ARL15: variants seen among roughly 807,000 people sequenced by gnomAD.
ARL15 encodes ARF like GTPase 15, also known as ADP-ribosylation factor-like protein 15.
Under a neutral mutation model 25.2 loss-of-function variants are expected in ARL15, and 19 were observed. The ratio of observed to expected loss-of-function variants is 0.75; its 90% CI spans 0.53 to 1.10. The LOEUF is 1.10. ARL15 is among the 50% of genes least tolerant of loss of function. The probability of loss-of-function intolerance (pLI) is 0.00; values close to 1 mark genes in which losing one functional copy is unlikely to be tolerated. For synonymous variants in ARL15, 94 were observed against 86.8 expected (o/e 1.08, Z -0.46); for missense variants, 220 against 246.0 (o/e 0.89, Z 0.71).
chr5:54,130,548 A>C (rs1423259724), intron 3 of ARL15, among the ~76,000 whole-genome samples: 1 of 152,214 alleles, frequency 6.6e-6, no homozygotes, highest in Non-Finnish European at 1.5e-5. Flanking sequence ...TAATTCCCTG[A>C]AAGTGTTATC....
chr5:54,272,747 A>G (rs1439961684), intron 1 of ARL15, among the ~76,000 whole-genome samples: 1 of 152,244 alleles, frequency 6.6e-6, no homozygotes, highest in Non-Finnish European at 1.5e-5. Flanking sequence ...TATCATTATA[A>G]CATCTACAGT....
intron 4 of ARL15, among the ~76,000 whole-genome samples, chr5:54,034,574 A>G (rs1750107714): frequency 6.6e-6 from 1 of 152,222 alleles, no homozygotes; most frequent in Non-Finnish European, 1.5e-5. Flanking sequence ...GTAGGCAGGC[A>G]TAACAAATTT....
intron 2 of ARL15, among the ~76,000 whole-genome samples, chr5:54,158,797 C>T (rs147638345): frequency 0.015 from 2,302 of 152,236 alleles, 41 homozygotes; most frequent in African/African-American, 0.047. Context: ...CGCTTGAACC[C>T]GGGAGGCAGA....
intron 1 of ARL15, among the ~76,000 whole-genome samples, chr5:54,205,765 C>A (rs1469940305): frequency 2.6e-5 from 4 of 152,188 alleles, no homozygotes; most frequent in Non-Finnish European, 4.4e-5. Flanking sequence ...CCTCTAGGAA[C>A]TCCTGGTCAA....
chr5:54,271,905 CATTTATTTATTTATTTATTT>C (rs34653736), intron 1 of ARL15, among the ~76,000 whole-genome samples: 1 of 146,298 alleles, frequency 6.8e-6, no homozygotes, highest in Non-Finnish European at 1.5e-5. Context: ...CTGTGCTTAA[CATTTATTTATTTATTTATTT>C]ATTTATTTAT....
At chr5:53,909,122 AG>A (rs1423400323) in intron 4 of ARL15, among the ~76,000 whole-genome samples, 1 of 152,204 alleles carries the variant, frequency 6.6e-6, no homozygotes, top group African/African-American at 2.4e-5. Context: ...AATTATAATT[AG>A]GGGAAAATTT....
intron 4 of ARL15, among the ~76,000 whole-genome samples, chr5:53,921,051 G>A (rs1225434708): frequency 1.3e-5 from 2 of 152,182 alleles, no homozygotes; most frequent in Non-Finnish European, 2.9e-5. Flanking sequence ...TGCCCCCACT[G>A]ACCATATTGC....
intron 4 of ARL15, among the ~76,000 whole-genome samples, chr5:54,074,866 G>T (rs572253368): frequency 4.5e-4 from 68 of 151,108 alleles, no homozygotes; most frequent in African/African-American, 1.6e-3. Flanking sequence ...AATTAAATGA[G>T]TCCATTTGCC....
chr5:54,180,956 G>A (rs532680501), intron 1 of ARL15, among the ~76,000 whole-genome samples: 37 of 152,240 alleles, frequency 2.4e-4, no homozygotes, highest in African/African-American at 8.7e-4. Flanking sequence ...AACCAGACCC[G>A]GGGCCCACGT....
chr5:53,893,077 T>C (rs539015554), intron 4 of ARL15, among the ~76,000 whole-genome samples: 16 of 152,272 alleles, frequency 1.1e-4, no homozygotes, highest in East Asian at 3.9e-4. Context: ...CTAGAGTAGA[T>C]AGACCTATTG....
At chr5:54,098,802 T>C (rs1752357886) in intron 4 of ARL15, among the ~76,000 whole-genome samples, 1 of 152,144 alleles carries the variant, frequency 6.6e-6, no homozygotes, top group Non-Finnish European at 1.5e-5. Flanking sequence ...TCCTTAAAAT[T>C]TCCCCCAAAG....
At chr5:53,907,549 G>A (rs1252875156) in intron 4 of ARL15, among the ~76,000 whole-genome samples, 2 of 128,750 alleles carry the variant, frequency 1.6e-5, no homozygotes, top group African/African-American at 6.0e-5. Flanking sequence ...CCAGGCTGGA[G>A]TGCAGTGGCG....
chr5:54,011,986 C>T (rs552406747), intron 4 of ARL15, among the ~76,000 whole-genome samples: 57 of 150,606 alleles, frequency 3.8e-4, no homozygotes, highest in African/African-American at 1.1e-3. Context: ...CCTAGCCTGG[C>T]AACAGAGCAA....
chr5:54,014,773 G>A lies in ARL15; in HGVS notation c.462+98429C>T, dbSNP rs138504592. 1.7e-3 allele frequency among the ~76,000 whole-genome samples: 263 copies of A among 151,734 alleles called. 1 individual carries two copies. The highest frequency in any genetic ancestry group is 2.4e-3 in the Non-Finnish European group (166 of 67,916). ...ACTCCTGACCTCAGGTGATCCACCC[G>A]CCTCGGCCTCCCATTCTTTTTTAAC... On this transcript the variant is annotated intron_variant, in intron 4 of 4. Coordinates refer to ENST00000504924, the MANE Select transcript of ARL15 (RefSeq NM_019087.3).
intron 4 of ARL15, among the ~76,000 whole-genome samples, chr5:54,073,784 T>C (rs1224750223): frequency 6.6e-6 from 1 of 152,166 alleles, no homozygotes; most frequent in East Asian, 1.9e-4. Flanking sequence ...GCTCTCAAAC[T>C]AGCAGTAACA....
intron 4 of ARL15, among the ~76,000 whole-genome samples, chr5:54,007,004 T>C (rs920326144): frequency 1.4e-4 from 22 of 152,164 alleles, no homozygotes; most frequent in African/African-American, 5.1e-4. Flanking sequence ...GGCAGGAGAA[T>C]TGCTTGAACC....
intron 4 of ARL15, among the ~76,000 whole-genome samples, chr5:54,033,345 T>A (rs761606825): frequency 3.3e-5 from 5 of 151,772 alleles, no homozygotes; most frequent in Non-Finnish European, 7.4e-5. Flanking sequence ...TACCAGATAG[T>A]GCTTAGAAAA....
intron 1 of ARL15, among the ~76,000 whole-genome samples, chr5:54,215,883 C>A (rs1441539243): frequency 6.6e-6 from 1 of 152,092 alleles, no homozygotes; most frequent in African/African-American, 2.4e-5. Context: ...TTGGTCTGAG[C>A]TGGCACAAAT....
chr5:54,021,565 A>T (rs954024947), intron 4 of ARL15, among the ~76,000 whole-genome samples: 2 of 152,186 alleles, frequency 1.3e-5, no homozygotes, highest in African/African-American at 4.8e-5. Context: ...AGAACAACAG[A>T]AATTACTCAA....
Sources: gnomAD v4.1 joint callset for allele counts (sites outside exome capture counted in the v4.1 genomes callset) on GRCh38, gnomAD v4.1.1 for gene constraint, MANE v1.5 for transcripts, NCBI Gene and HGNC (gene_info 2026-07-23, HGNC 2026-07-21) for gene names.